Variants in LARP1 observed in about 807,000 individuals in gnomAD.
The protein encoded by LARP1 is la-related protein 1.
LARP1 carries 36 observed loss-of-function variants against 122.7 expected under a neutral mutation model. That is an observed-to-expected ratio of 0.29 (90% CI 0.22 to 0.39). LARP1 has a LOEUF of 0.39. LARP1 is among the 10% of genes least tolerant of loss of function. LARP1 has a pLI of 1.00. For missense variants in LARP1, 1,040 were observed against 1,403.6 expected (o/e 0.74, Z 4.14); for synonymous variants, 539 against 528.7 (o/e 1.02, Z -0.27).
Position 154,803,506 on chromosome 5 carries a change from C to T in LARP1, c.2234-34C>T, listed in dbSNP as rs755092603. 20 of 1,613,918 alleles carry T rather than the reference C, an allele frequency of 1.2e-5. No individual in the cohort carries two copies. The South Asian group carries it at 2.1e-4, about 17-fold the overall frequency. On this transcript the variant is annotated intron_variant, in intron 12 of 18. Transcript: ENST00000518297. The surrounding 1 kb of genome is among the most constrained non-coding windows in gnomAD (Gnocchi z 4.4). ...CCTGGGGTGGATGCCACAGGCCTTT[C>T]CCTGCTTCCTGACTCCTCTCTCTGC...
rs1754035285 is a variant in LARP1 at position 154,688,382 on chromosome 5, A to G, written c.-180+5345A>G. Among the ~76,000 whole-genome samples the G allele has an allele frequency of 4.6e-5, 7 of 152,222 alleles. No individual in the cohort carries two copies. In the South Asian group the frequency reaches 1.2e-3, roughly 27 times the overall value. ...AAAAAAAAAATTAGCTGGGCAGGCC[A>G]GGCGAGGTGGGTCAAGCCTGCACTT... On this transcript the variant is annotated intron_variant, in intron 1 of 18. Coordinates refer to the LARP1 transcript ENST00000687700.
intron 1 of LARP1, among the ~76,000 whole-genome samples, chr5:154,773,618 C>A (rs1274044293): frequency 6.6e-6 from 1 of 152,224 alleles, no homozygotes; most frequent in Non-Finnish European, 1.5e-5. Context: ...ATATTTAAAA[C>A]ACAAGCACCC....
At chr5:154,736,158 G>A (rs1168541404) in intron 1 of LARP1, among the ~76,000 whole-genome samples, 8 of 150,720 alleles carry the variant, frequency 5.3e-5, no homozygotes, top group African/African-American at 1.2e-4. Flanking sequence ...GTGCAATGGC[G>A]TGATCTCGGC....
intron 1 of LARP1, among the ~76,000 whole-genome samples, chr5:154,745,414 A>C (rs1753138908): frequency 6.6e-6 from 1 of 152,184 alleles, no homozygotes; most frequent in African/African-American, 2.4e-5. Context: ...TACCCCCTTT[A>C]TGATAATAGC....
intron 1 of LARP1, among the ~76,000 whole-genome samples, chr5:154,719,914 G>T (rs542869408): frequency 1.3e-5 from 2 of 150,786 alleles, no homozygotes; most frequent in Admixed American, 6.6e-5. Flanking sequence ...AACACTGGCC[G>T]GGCATGGTGG....
intron 18 of LARP1, among the ~76,000 whole-genome samples, chr5:154,811,969 T>A (rs1759311144): frequency 6.6e-6 from 1 of 152,242 alleles, no homozygotes; most frequent in Non-Finnish European, 1.5e-5. Context: ...TACACACATT[T>A]GTTCTTTCTG....
rs1175121228 is a variant in LARP1 at position 154,808,742 on chromosome 5, T to G, written c.2843+139T>G. 4.8e-6 allele frequency: 4 copies of G among 841,700 alleles called. No individual in the cohort carries two copies. In the East Asian group the frequency reaches 1.1e-4, roughly 24 times the overall value. The allele number at this position is 841,700 out of a possible 1,614,324, so 52.1% of individuals were successfully genotyped here. A position where few individuals can be genotyped will look rare whatever the true frequency, so the allele number is the denominator to read the frequency against. ...ATATACTTGATGAAAAATTTGTTTT[T>G]AAATGAGCAGTATATTCACATGGTT... On this transcript the variant is annotated intron_variant, in intron 16 of 18. Coordinates refer to ENST00000518297, the MANE Select transcript of LARP1 (RefSeq NM_033551.3).
upstream of LARP1, among the ~76,000 whole-genome samples, chr5:154,751,685 A>G (rs2113514899): frequency 6.6e-6 from 1 of 152,320 alleles, no homozygotes; most frequent in East Asian, 1.9e-4. Flanking sequence ...TTTGAGAGAG[A>G]AAGAGCACAG....
chr5:154,792,618 A>AT lies in LARP1; in HGVS notation c.565-3dup. On this transcript the variant is annotated splice_polypyrimidine_tract_variant and splice_region_variant and intron_variant, in intron 3 of 18. Coordinates refer to ENST00000518297, the MANE Select transcript of LARP1 (RefSeq NM_033551.3). Reference sequence around the variant, plus strand: ...CCTCACTGTTACTTTACTTCCTGCTATAGCCACAGTCCCACAAGCCTCAGC... The same window carrying AT: ...CCTCACTGTTACTTTACTTCCTGCTATTAGCCACAGTCCCACAAGCCTCAGC... The AT allele has an allele frequency of 6.2e-7, 1 of 1,613,758 alleles. No homozygotes were observed. Among genetic ancestry groups the AT allele is most frequent in the Non-Finnish European group, 8.5e-7 (1 of 1,179,800 alleles).
At position 154,783,042 on chromosome 5, in the gene LARP1, G is replaced by A. The variant is rs113108121; in HGVS notation, c.437-7283G>A. Among the ~76,000 whole-genome samples, 769 of 152,280 alleles carry A rather than the reference G, an allele frequency of 5.0e-3. 2 individuals carry two copies. The highest frequency in any genetic ancestry group is 0.017 in the African/African-American group (722 of 41,560). ...GGCTGGCCTGGGAGGGACAGGCACA[G>A]GTGGGTAGTATAACCCAGGCACTCT... On this transcript the variant is annotated intron_variant, in intron 1 of 18. Coordinates refer to ENST00000518297, the MANE Select transcript of LARP1 (RefSeq NM_033551.3).
At chr5:154,812,512 C>A (rs1467952544) in intron 18 of LARP1, among the ~76,000 whole-genome samples, 2 of 77,110 alleles carry the variant, frequency 2.6e-5, no homozygotes, top group Admixed American at 3.8e-4. Flanking sequence ...AAAGCCCCCC[C>A]CCCCCACCCC....
chr5:154,796,099 ATATT>A lies in LARP1; in HGVS notation c.1377+784_1377+787del, dbSNP rs1276302287. ...TATATATATTATATATATATTTTAT[ATATT>A]TATATATAGTATATATATTATATAT... On this transcript the variant is annotated intron_variant, in intron 8 of 18. Transcript: ENST00000518297. Among the ~76,000 whole-genome samples, 6 of 121,016 alleles carry A rather than the reference ATATT, an allele frequency of 5.0e-5. No individual in the cohort carries two copies. The East Asian group carries it at 6.2e-4, about 13-fold the overall frequency. The allele number at this position is 121,016 out of a possible 152,430, so 79.4% of individuals were successfully genotyped here.
At chr5:154,690,826 G>T (rs900874673) in intron 1 of LARP1, among the ~76,000 whole-genome samples, 33 of 152,224 alleles carry the variant, frequency 2.2e-4, no homozygotes, top group Non-Finnish European at 4.0e-4. Flanking sequence ...TTCCACCGCC[G>T]CACAGTCCTC....
upstream of LARP1, among the ~76,000 whole-genome samples, chr5:154,751,769 T>C (rs945889629): frequency 6.6e-6 from 1 of 152,234 alleles, no homozygotes; most frequent in African/African-American, 2.4e-5. Context: ...TCTCTTACTG[T>C]GCCTAATTTA....
At chr5:154,779,448 A>G (rs144890822) in intron 1 of LARP1, among the ~76,000 whole-genome samples, 1 of 151,090 alleles carries the variant, frequency 6.6e-6, no homozygotes, top group East Asian at 2.0e-4. Context: ...TCCGTGGCAT[A>G]GTAAATTGTT....
At chr5:154,778,945 T>C (rs1213825280) in intron 1 of LARP1, among the ~76,000 whole-genome samples, 2 of 152,206 alleles carry the variant, frequency 1.3e-5, no homozygotes, top group African/African-American at 4.8e-5. Flanking sequence ...GTCTATAAAA[T>C]TACTGTTTAT....
At chr5:154,726,617 G>A (rs967055993) in intron 1 of LARP1, among the ~76,000 whole-genome samples, 11 of 152,206 alleles carry the variant, frequency 7.2e-5, no homozygotes, top group African/African-American at 2.4e-4. Flanking sequence ...TACAGCATCC[G>A]AAATTAAGAA....
chr5:154,811,788 T>A, intron 18 of LARP1, 148 bp downstream of exon 18: 4 of 908,122 alleles, frequency 4.4e-6, no homozygotes, highest in Non-Finnish European at 6.7e-6. Context: ...TTTTCACCTT[T>A]AAAATGGAGA....
chr5:154,785,681 T>C (rs1756821267), intron 1 of LARP1, among the ~76,000 whole-genome samples: 1 of 152,108 alleles, frequency 6.6e-6, no homozygotes. Flanking sequence ...GGTCTTTGAA[T>C]GAGGGGGTGT....
Sources: allele counts gnomAD v4.1 joint callset (sites outside exome capture counted in the v4.1 genomes callset), GRCh38; gene constraint gnomAD v4.1.1; non-coding constraint Gnocchi (gnomAD v3.1); transcripts MANE v1.5; gene names NCBI Gene and HGNC (gene_info 2026-07-23, HGNC 2026-07-21).